LHPP: variants seen among roughly 807,000 people sequenced by gnomAD.
The protein encoded by LHPP is hLHPP.
In LHPP, 24 loss-of-function variants were observed where a neutral mutation model predicts 30.3. The observed-to-expected ratio is 0.79, with a 90% CI of 0.57 to 1.11. The LOEUF (loss-of-function observed/expected upper bound fraction) is 1.11. Ranked by LOEUF, LHPP falls within the 50% of genes most tolerant of loss-of-function variation. The pLI is 0.00. For missense variants in LHPP, 356 were observed against 367.2 expected (o/e 0.97, Z 0.25); for synonymous variants, 150 against 157.1 (o/e 0.95, Z 0.34).
At chr10:124,587,024 CTTT>C (rs57728201) in intron 6 of LHPP, among the ~76,000 whole-genome samples, 34 of 120,736 alleles carry the variant, frequency 2.8e-4, no homozygotes, top group South Asian at 1.0e-3. Context: ...GTGCTTGCTA[CTTT>C]TTTTTTTTTT....
chr10:124,511,217 A>C (rs1172775143), intron 5 of LHPP, among the ~76,000 whole-genome samples: 2 of 152,250 alleles, frequency 1.3e-5, no homozygotes, highest in Non-Finnish European at 2.9e-5. Flanking sequence ...TTACTTAAAT[A>C]AATGTATTTT....
chr10:124,486,847 T>G (rs1270607422), intron 2 of LHPP, among the ~76,000 whole-genome samples: 1 of 152,170 alleles, frequency 6.6e-6, no homozygotes, highest in Non-Finnish European at 1.5e-5. Context: ...GCCCGAGGCC[T>G]TGAGCATACA....
chr10:124,499,544 T>G (rs1226827843), intron 5 of LHPP, among the ~76,000 whole-genome samples: 1 of 151,878 alleles, frequency 6.6e-6, no homozygotes, highest in Non-Finnish European at 1.5e-5. Context: ...TAATCCCAGC[T>G]ACTTGGGAAG....
At chr10:124,514,839 TCGCTCAGG>T (rs1408130530) in intron 5 of LHPP, among the ~76,000 whole-genome samples, 1 of 152,014 alleles carries the variant, frequency 6.6e-6, no homozygotes, top group Non-Finnish European at 1.5e-5. Flanking sequence ...TCTTGCTCTG[TCGCTCAGG>T]CTGGAGTGCA....
intron 6 of LHPP, among the ~76,000 whole-genome samples, chr10:124,550,271 C>A (rs68168425): frequency 0.11 from 16,505 of 152,258 alleles, 1,244 homozygotes; most frequent in East Asian, 0.28. Context: ...CAGGCAGCTG[C>A]GGGGCAGGGG....
rs535800483 is a variant in LHPP, at chr10:124,474,140, T to G, written c.126-9999T>G. Among the ~76,000 whole-genome samples the G allele has an allele frequency of 3.2e-3, 450 of 140,918 alleles. 1 individual carries two copies. The highest frequency in any genetic ancestry group is 0.011 in the African/African-American group (426 of 37,962). The allele number at this position is 140,918 out of a possible 152,430, so 92.4% of individuals were successfully genotyped here. A position where few individuals can be genotyped will look rare whatever the true frequency, so the allele number is the denominator to read the frequency against. ...GAGTGGGTTGCTTTGCCCTTTTTTT[T>G]TTTTTTTTTTTTTTTTTGAGACAGG... On this transcript the variant is annotated intron_variant, in intron 1 of 6. Coordinates refer to ENST00000368842, the MANE Select transcript of LHPP (RefSeq NM_022126.4).
chr10:124,608,562 G>A (rs984524068), intron 6 of LHPP, among the ~76,000 whole-genome samples: 5 of 152,244 alleles, frequency 3.3e-5, no homozygotes, highest in African/African-American at 1.2e-4. Flanking sequence ...TCACGTGGCT[G>A]GTAGGGGGCG....
At chr10:124,606,338 C>T (rs189506229) in intron 6 of LHPP, among the ~76,000 whole-genome samples, 9 of 152,306 alleles carry the variant, frequency 5.9e-5, no homozygotes, top group African/African-American at 9.6e-5. Flanking sequence ...TCCCTGTTTC[C>T]GGAAGCGTCC....
At chr10:124,483,827 A>G (rs1953225328) in intron 1 of LHPP, among the ~76,000 whole-genome samples, 1 of 145,628 alleles carries the variant, frequency 6.9e-6, no homozygotes, top group Non-Finnish European at 1.5e-5. Flanking sequence ...GTTGCATTCC[A>G]GGCAAGGGGA....
rs1464327064 is a variant in LHPP at position 124,613,876 on chromosome 10, C to G, written c.*516C>G. 6.4e-6 allele frequency: 1 copy of G among 155,666 alleles called. No homozygotes were observed. Among genetic ancestry groups the G allele is most frequent in the Non-Finnish European group, 1.4e-5 (1 of 70,300 alleles). The allele number at this position is 155,666 out of a possible 1,614,324, so 9.6% of individuals were successfully genotyped here. A position where few individuals can be genotyped will look rare whatever the true frequency, so the allele number is the denominator to read the frequency against. On this transcript the variant is annotated 3_prime_UTR_variant, in exon 7 of 7. Coordinates refer to ENST00000368842, the MANE Select transcript of LHPP (RefSeq NM_022126.4). ...AACCAAGTCAGCCTCCCTGCGACTG[C>G]CCAGGCACACTGCCCACCACCCCAC... is the stretch of plus-strand genomic sequence containing the variant.
chr10:124,502,257 G>T (rs934518443), intron 5 of LHPP, among the ~76,000 whole-genome samples: 5 of 151,996 alleles, frequency 3.3e-5, no homozygotes, highest in Non-Finnish European at 7.3e-5. Flanking sequence ...GGGACACGTT[G>T]CATGTAGCAG....
rs767813151 is a variant in LHPP, at chr10:124,461,828, T to C, written c.-35T>C. 15 of 1,223,434 alleles carry C rather than the reference T, an allele frequency of 1.2e-5. No homozygotes were observed. The highest frequency in any genetic ancestry group is 8.1e-5 in the South Asian group (2 of 24,714). 75.8% of individuals were successfully genotyped at this position (1,223,434 alleles called of 1,614,324 possible). ...GCCGCGGCGCCGGCGCCGGCGTCGGTTGGGACGCGGAGCTGAGGAGCAGGG... is the reference window on the plus strand; with the variant it reads ...GCCGCGGCGCCGGCGCCGGCGTCGGCTGGGACGCGGAGCTGAGGAGCAGGG... On this transcript the variant is annotated 5_prime_UTR_variant, in exon 1 of 7. Transcript: ENST00000368842.
intron 6 of LHPP, among the ~76,000 whole-genome samples, chr10:124,548,149 A>G (rs1955398969): frequency 6.6e-6 from 1 of 151,996 alleles, no homozygotes; most frequent in Non-Finnish European, 1.5e-5. Context: ...AAGTTCAGAA[A>G]AATCCAGCCA....
intron 6 of LHPP, among the ~76,000 whole-genome samples, chr10:124,581,300 G>A (rs1948739482): frequency 6.6e-6 from 1 of 152,168 alleles, no homozygotes; most frequent in Admixed American, 6.5e-5. Context: ...ATTCATTCCT[G>A]TGTTAGTGTA....
chr10:124,505,233 G>T (rs1025221375), intron 5 of LHPP, among the ~76,000 whole-genome samples: 1 of 152,140 alleles, frequency 6.6e-6, no homozygotes, highest in South Asian at 2.1e-4. Flanking sequence ...TGTATTTCAA[G>T]ATAAGGCCAT....
intron 6 of LHPP, among the ~76,000 whole-genome samples, chr10:124,600,191 C>T (rs756294268): frequency 2.0e-5 from 3 of 152,230 alleles, no homozygotes; most frequent in Non-Finnish European, 4.4e-5. Context: ...GTTGGTAGCG[C>T]GGCCCCTCGC....
chr10:124,565,211 C>T (rs957509062), intron 6 of LHPP, among the ~76,000 whole-genome samples: 5 of 152,084 alleles, frequency 3.3e-5, no homozygotes, highest in African/African-American at 7.2e-5. Flanking sequence ...GAGAAGCACG[C>T]ATGAGAAGGG....
At chr10:124,482,167 G>C (rs1953159972) in intron 1 of LHPP, among the ~76,000 whole-genome samples, 1 of 152,218 alleles carries the variant, frequency 6.6e-6, no homozygotes, top group Non-Finnish European at 1.5e-5. Flanking sequence ...TCAAGCCGTA[G>C]TTCTAGTAAC....
chr10:124,604,716 C>T (rs78762889), intron 6 of LHPP, among the ~76,000 whole-genome samples: 26,910 of 152,254 alleles, frequency 0.18, 2,670 homozygotes, highest in African/African-American at 0.26. Flanking sequence ...GCCGAGCTGG[C>T]GTCACCCTCT....
Sources: gnomAD v4.1 joint callset for allele counts (sites outside exome capture counted in the v4.1 genomes callset) on GRCh38, gnomAD v4.1.1 for gene constraint, MANE v1.5 for transcripts, NCBI Gene and HGNC (gene_info 2026-07-23, HGNC 2026-07-21) for gene names.